Variants in ZBTB20 observed in about 807,000 individuals in gnomAD.
ZBTB20 encodes zinc finger and BTB domain-containing protein 20.
A neutral mutation model predicts 56.9 loss-of-function variants in ZBTB20; 9 were observed. The observed-to-expected ratio is 0.16, with a 90% CI of 0.10 to 0.28. The LOEUF (loss-of-function observed/expected upper bound fraction) is 0.28. ZBTB20 is among the 10% of genes least tolerant of loss of function. The pLI, the probability that ZBTB20 is intolerant of heterozygous loss-of-function variation, is 1.00. For synonymous variants in ZBTB20, 417 were observed against 420.7 expected (o/e 0.99, Z 0.11); for missense variants, 655 against 1,003.0 (o/e 0.65, Z 4.69).
intron 2 of ZBTB20, among the ~76,000 whole-genome samples, chr3:115,045,909 C>T (rs1297867919): frequency 1.3e-5 from 2 of 152,144 alleles, no homozygotes; most frequent in East Asian, 3.8e-4. Context: ...GAGGGTTCAA[C>T]AAGCATGTGG....
At chr3:115,093,635 C>T (rs1268400928) in intron 1 of ZBTB20, among the ~76,000 whole-genome samples, 3 of 152,136 alleles carry the variant, frequency 2.0e-5, no homozygotes, top group Non-Finnish European at 4.4e-5. Context: ...GCATGTGATG[C>T]TGTTTGGGGG....
chr3:115,093,814 C>A (rs561562261), intron 1 of ZBTB20, among the ~76,000 whole-genome samples: 1 of 152,218 alleles, frequency 6.6e-6, no homozygotes, highest in African/African-American at 2.4e-5. Flanking sequence ...TTGACTTTTT[C>A]TTCTATGATC....
intron 6 of ZBTB20, among the ~76,000 whole-genome samples, chr3:114,597,613 T>C (rs2056424082): frequency 6.6e-6 from 1 of 152,166 alleles, no homozygotes; most frequent in African/African-American, 2.4e-5. Flanking sequence ...AACAAAATTC[T>C]TCTTCCAATT....
intron 1 of ZBTB20, among the ~76,000 whole-genome samples, chr3:115,080,804 T>C (rs1254674386): frequency 1.3e-5 from 2 of 152,094 alleles, no homozygotes; most frequent in African/African-American, 2.4e-5. Flanking sequence ...TAGTTGATTA[T>C]AAAGTTCACT....
chr3:114,545,489 A>G (rs1223216896), intron 6 of ZBTB20, among the ~76,000 whole-genome samples: 1 of 152,220 alleles, frequency 6.6e-6, no homozygotes, highest in African/African-American at 2.4e-5. Context: ...CTAGTGGTAC[A>G]CCATTGTGTG....
intron 4 of ZBTB20, among the ~76,000 whole-genome samples, chr3:114,831,507 T>C (rs923134757): frequency 1.3e-5 from 2 of 152,022 alleles, no homozygotes; most frequent in Non-Finnish European, 2.9e-5. Flanking sequence ...CTCTACAGTG[T>C]CTAACTCTTC....
intron 3 of ZBTB20, among the ~76,000 whole-genome samples, chr3:114,912,426 C>T (rs2075578298): frequency 6.6e-6 from 1 of 151,368 alleles, no homozygotes; most frequent in African/African-American, 2.4e-5. Flanking sequence ...TTATTTGTCT[C>T]CTTATTATTT....
intron 6 of ZBTB20, among the ~76,000 whole-genome samples, chr3:114,569,463 C>A (rs2053174362): frequency 6.6e-6 from 1 of 152,156 alleles, no homozygotes; most frequent in African/African-American, 2.4e-5. Context: ...ATGAGGCAGG[C>A]CCTGGGATCA....
chr3:114,481,800 T>C (rs1321201622), intron 7 of ZBTB20, among the ~76,000 whole-genome samples: 2 of 152,192 alleles, frequency 1.3e-5, no homozygotes, highest in African/African-American at 4.8e-5. Flanking sequence ...CCCAGAGGCC[T>C]GGGTCACCAG....
chr3:114,799,414 T>G (rs2071560871), intron 5 of ZBTB20, among the ~76,000 whole-genome samples: 1 of 151,912 alleles, frequency 6.6e-6, no homozygotes. Context: ...GATGGATACC[T>G]CGTATGATAT....
intron 6 of ZBTB20, among the ~76,000 whole-genome samples, chr3:114,662,775 GT>G (rs761703425): frequency 1.6e-4 from 25 of 151,562 alleles, no homozygotes; most frequent in Non-Finnish European, 3.2e-4. Flanking sequence ...TTGTAAATTT[GT>G]TTGAGTTCAT....
At chr3:114,911,802 T>C (rs1460460819) in intron 3 of ZBTB20, among the ~76,000 whole-genome samples, 9 of 151,432 alleles carry the variant, frequency 5.9e-5, no homozygotes, top group Non-Finnish European at 1.0e-4. Flanking sequence ...AAAATATGAA[T>C]TAGGAATTCC....
chr3:114,730,282 A>C (rs2108536583), intron 5 of ZBTB20, among the ~76,000 whole-genome samples: 1 of 152,258 alleles, frequency 6.6e-6, no homozygotes, highest in Admixed American at 6.5e-5. Flanking sequence ...CATAACTGCC[A>C]CAAGCTTAGC....
At chr3:114,924,756 T>C (rs1020759542) in intron 3 of ZBTB20, among the ~76,000 whole-genome samples, 9 of 152,114 alleles carry the variant, frequency 5.9e-5, no homozygotes, top group African/African-American at 2.2e-4. Context: ...ATTAAATATT[T>C]TTAAATAAAA....
chr3:114,938,678 G>A (rs2076630129), intron 3 of ZBTB20, among the ~76,000 whole-genome samples: 1 of 145,458 alleles, frequency 6.9e-6, no homozygotes, highest in Admixed American at 6.6e-5. Flanking sequence ...GTCGGGTGGT[G>A]GGGAAGTAGG....
At chr3:114,563,157 T>TA (rs2110299754) in intron 6 of ZBTB20, among the ~76,000 whole-genome samples, 1 of 152,316 alleles carries the variant, frequency 6.6e-6, no homozygotes. Context: ...CTATATCCTA[T>TA]TTTCAATACA....
chr3:114,461,811 T>C (rs892511799), intron 7 of ZBTB20, among the ~76,000 whole-genome samples: 1 of 152,204 alleles, frequency 6.6e-6, no homozygotes, highest in Non-Finnish European at 1.5e-5. Flanking sequence ...TCTGAGTGTG[T>C]ATATTTTAAC....
chr3:114,390,857 A>T (rs550631436), intron 7 of ZBTB20, among the ~76,000 whole-genome samples: 5 of 152,358 alleles, frequency 3.3e-5, no homozygotes, highest in African/African-American at 1.2e-4. Context: ...TTTCTAATTC[A>T]GAAAGTTTAG....
chr3:115,077,616 C>G (rs751220626), intron 1 of ZBTB20, among the ~76,000 whole-genome samples: 1 of 152,140 alleles, frequency 6.6e-6, no homozygotes, highest in Non-Finnish European at 1.5e-5. Context: ...ATACAAATGG[C>G]CAAGAGATAT....
Sources: allele counts gnomAD v4.1 joint callset (sites outside exome capture counted in the v4.1 genomes callset), GRCh38; gene constraint gnomAD v4.1.1; transcripts MANE v1.5; gene names NCBI Gene and HGNC (gene_info 2026-07-23, HGNC 2026-07-21).